The following VRK2 variants were observed in gnomAD, a reference collection of about 807,000 sequenced individuals.
VRK2 encodes the protein VRK serine/threonine kinase 2.
Under a neutral mutation model 57.6 loss-of-function variants are expected in VRK2, and 60 were observed. The observed-to-expected ratio is 1.04, with a 90% confidence interval of 0.85 to 1.29. The LOEUF is 1.29. VRK2 is among the 50% of genes most tolerant of loss of function. The probability of loss-of-function intolerance (pLI) is 0.00; values close to 1 mark genes in which losing one functional copy is unlikely to be tolerated. For synonymous variants in VRK2, 231 were observed against 199.2 expected (o/e 1.16, Z -1.35); for missense variants, 705 against 588.1 (o/e 1.20, Z -2.06).
chr2:57,977,161 T>G (rs931918582), intron 1 of VRK2, among the ~76,000 whole-genome samples: 9 of 152,206 alleles, frequency 5.9e-5, no homozygotes, highest in Admixed American at 2.0e-4. Flanking sequence ...CCTCTGGCTT[T>G]GTTCTTTTAA....
intron 2 of VRK2, among the ~76,000 whole-genome samples, chr2:58,073,538 C>T (rs1669636975): frequency 6.6e-6 from 1 of 150,912 alleles, no homozygotes; most frequent in Admixed American, 6.6e-5. Context: ...AAGAATTGAC[C>T]CCTTTATTAT....
intron 2 of VRK2, among the ~76,000 whole-genome samples, chr2:58,081,092 T>C (rs573342028): frequency 2.6e-5 from 4 of 152,154 alleles, no homozygotes; most frequent in African/African-American, 7.2e-5. Context: ...ATTTTTTTCA[T>C]TGATATCAAA....
At chr2:58,138,043 T>C (rs945062513) in intron 10 of VRK2, among the ~76,000 whole-genome samples, 1 of 152,192 alleles carries the variant, frequency 6.6e-6, no homozygotes, top group Non-Finnish European at 1.5e-5. Context: ...ACAGCTGCTA[T>C]CAGTTGGTGG....
intron 10 of VRK2, among the ~76,000 whole-genome samples, chr2:58,137,156 T>TTATATATATCATATATATCATATATAGCA (rs1382902188): frequency 2.0e-4 from 5 of 24,442 alleles, no homozygotes; most frequent in African/African-American, 6.2e-4. Flanking sequence ...TATCATGTGT[T>TTATATATATCATATATATCATATATAGCA]TATATATATC....
At chr2:58,104,910 T>C (rs2104372373) in intron 7 of VRK2, among the ~76,000 whole-genome samples, 1 of 151,840 alleles carries the variant, frequency 6.6e-6, no homozygotes, top group East Asian at 1.9e-4. Flanking sequence ...AAGCTACATA[T>C]CTACACCCAA....
intron 1 of VRK2, among the ~76,000 whole-genome samples, chr2:58,002,319 A>T (rs1186667147): frequency 1.3e-5 from 2 of 152,172 alleles, no homozygotes; most frequent in Non-Finnish European, 2.9e-5. Context: ...TCCACTAAAA[A>T]TATAAAAAAT....
At chr2:57,955,646 G>T (rs1671564281) in intron 1 of VRK2, among the ~76,000 whole-genome samples, 1 of 151,944 alleles carries the variant, frequency 6.6e-6, no homozygotes. Flanking sequence ...AAAAATGTGG[G>T]GCTTAACACC....
At chr2:58,027,426 T>C (rs1049150810) in intron 2 of VRK2, among the ~76,000 whole-genome samples, 4 of 152,068 alleles carry the variant, frequency 2.6e-5, no homozygotes, top group African/African-American at 9.7e-5. Context: ...AACCTCTAAA[T>C]TGAATGAATA....
chr2:58,087,013 TGAG>T (rs1252061081), intron 5 of VRK2, among the ~76,000 whole-genome samples: 1 of 152,152 alleles, frequency 6.6e-6, no homozygotes, highest in Non-Finnish European at 1.5e-5. Context: ...TTCTATCTCT[TGAG>T]GAGAAGCACA....
intron 2 of VRK2, among the ~76,000 whole-genome samples, chr2:58,074,465 T>G (rs1273853770): frequency 6.6e-6 from 1 of 152,194 alleles, no homozygotes; most frequent in East Asian, 1.9e-4. Flanking sequence ...CTTTAGAAAT[T>G]TTTAGTGGTT....
At chr2:58,021,365 C>G (rs552975818) in intron 1 of VRK2, among the ~76,000 whole-genome samples, 1 of 152,090 alleles carries the variant, frequency 6.6e-6, no homozygotes, top group African/African-American at 2.4e-5. Flanking sequence ...GGGCTTACAT[C>G]CCTTCATATC....
chr2:58,025,066 T>G (rs1558546231), intron 1 of VRK2, among the ~76,000 whole-genome samples: 1 of 152,174 alleles, frequency 6.6e-6, no homozygotes, highest in Non-Finnish European at 1.5e-5. Flanking sequence ...GCCATCCTTG[T>G]CCTTAATCCC....
chr2:57,929,468 T>TGG (rs1259734120), intron 1 of VRK2, among the ~76,000 whole-genome samples: 2 of 152,174 alleles, frequency 1.3e-5, no homozygotes, highest in African/African-American at 4.8e-5. Context: ...GGGTTCCCTC[T>TGG]GGCCTAGGAC....
intron 7 of VRK2, among the ~76,000 whole-genome samples, chr2:58,100,598 T>G (rs1423550936): frequency 6.7e-6 from 1 of 150,366 alleles, no homozygotes; most frequent in Non-Finnish European, 1.5e-5. Flanking sequence ...TTTAATTATT[T>G]GGACTTTTAA....
intron 6 of VRK2, among the ~76,000 whole-genome samples, 191 bp from the exon 7 acceptor site, chr2:58,089,440 T>C (rs1353974163): frequency 6.6e-6 from 1 of 152,178 alleles, no homozygotes; most frequent in Non-Finnish European, 1.5e-5. Flanking sequence ...TTTTTGAGGA[T>C]CATTTTACTT....
chr2:58,090,136 C>T (rs879679150), intron 7 of VRK2, among the ~76,000 whole-genome samples: 4 of 152,092 alleles, frequency 2.6e-5, no homozygotes, highest in African/African-American at 4.8e-5. Context: ...TGGCTCATGC[C>T]TGTAATCCCA....
intron 12 of VRK2, chr2:58,147,127 T>C (rs1274321184): frequency 1.9e-6 from 1 of 517,730 alleles, no homozygotes; most frequent in South Asian, 1.4e-5. Flanking sequence ...ATACCCCACC[T>C]TGTATACCCT....
At chr2:58,016,983 G>T (rs1673604457) in intron 1 of VRK2, among the ~76,000 whole-genome samples, 1 of 152,018 alleles carries the variant, frequency 6.6e-6, no homozygotes, top group Non-Finnish European at 1.5e-5. Flanking sequence ...AATTATAGGG[G>T]TTTCCTTTTC....
At chr2:58,026,354 G>C (rs937524326) in intron 2 of VRK2, among the ~76,000 whole-genome samples, 4 of 152,016 alleles carry the variant, frequency 2.6e-5, no homozygotes, top group African/African-American at 9.7e-5. Flanking sequence ...GGGAGACAAT[G>C]CAGTATCTAG....
Sources: gnomAD v4.1 joint callset for allele counts (sites outside exome capture counted in the v4.1 genomes callset) on GRCh38, gnomAD v4.1.1 for gene constraint, MANE v1.5 for transcripts, NCBI Gene and HGNC (gene_info 2026-07-23, HGNC 2026-07-21) for gene names.